Variants in C8orf89 observed in about 807,000 individuals in gnomAD.
The protein encoded by C8orf89 is chromosome 8 open reading frame 89, also known as putative uncharacterized protein C8orf89.
A neutral mutation model predicts 15.8 loss-of-function variants in C8orf89; 14 were observed. That is an observed-to-expected ratio of 0.89 (90% CI 0.59 to 1.39). C8orf89 has a LOEUF of 1.39. Ranked by LOEUF, C8orf89 falls within the 40% of genes most tolerant of loss-of-function variation. The pLI, the probability that C8orf89 is intolerant of heterozygous loss-of-function variation, is 0.00. For missense variants in C8orf89, 181 were observed against 184.5 expected (o/e 0.98, Z 0.11); for synonymous variants, 55 against 62.2 (o/e 0.88, Z 0.54).
chr8:73,269,872 A>G, the C8orf89 span, among the ~76,000 whole-genome samples: 3 of 152,234 alleles, frequency 2.0e-5, no homozygotes, highest in African/African-American at 7.2e-5. Flanking sequence ...GAATTCTTAA[A>G]CAAAAATTTT....
chr8:73,260,003 T>G (rs1813493608), upstream of C8orf89, among the ~76,000 whole-genome samples: 1 of 152,206 alleles, frequency 6.6e-6, no homozygotes, highest in Admixed American at 6.5e-5. Context: ...CTACCATTTA[T>G]GAAATGCCTA....
At chr8:73,272,690 T>G in the C8orf89 span, among the ~76,000 whole-genome samples, 1 of 151,626 alleles carries the variant, frequency 6.6e-6, no homozygotes, top group African/African-American at 2.4e-5. Flanking sequence ...CACCTATGAG[T>G]GAGAACATGC....
At chr8:73,250,769 G>C (rs141472693) in intron 2 of C8orf89, among the ~76,000 whole-genome samples, 123 of 152,108 alleles carry the variant, frequency 8.1e-4, no homozygotes, top group African/African-American at 2.8e-3. Flanking sequence ...ATCTGCTGTG[G>C]GTGAGATAAT....
At chr8:73,266,384 G>T in the C8orf89 span, among the ~76,000 whole-genome samples, 3 of 152,176 alleles carry the variant, frequency 2.0e-5, no homozygotes. Flanking sequence ...CTCATTTGAG[G>T]TGTCATCATG....
the C8orf89 span, among the ~76,000 whole-genome samples, chr8:73,266,641 T>G: frequency 2.1e-3 from 326 of 152,234 alleles, 2 homozygotes; most frequent in African/African-American, 7.1e-3. Context: ...AACATAAAGA[T>G]TTAAGATCAA....
chr8:73,284,586 A>AG, the C8orf89 span, among the ~76,000 whole-genome samples: 1 of 152,196 alleles, frequency 6.6e-6, no homozygotes, highest in Non-Finnish European at 1.5e-5. Context: ...CAAAAAACAA[A>AG]GGAAAAAAGA....
chr8:73,253,861 A>G (rs1417219701), intron 2 of C8orf89, among the ~76,000 whole-genome samples: 1 of 149,548 alleles, frequency 6.7e-6, no homozygotes, highest in Admixed American at 6.6e-5. Flanking sequence ...CTAGATATAC[A>G]ATCATGTCAT....
intron 2 of C8orf89, among the ~76,000 whole-genome samples, chr8:73,252,505 G>A (rs1037446169): frequency 1.3e-5 from 2 of 152,088 alleles, no homozygotes; most frequent in African/African-American, 4.8e-5. Flanking sequence ...GTTATGATGG[G>A]TAGATTATCA....
At chr8:73,272,706 T>C in the C8orf89 span, among the ~76,000 whole-genome samples, 1 of 152,142 alleles carries the variant, frequency 6.6e-6, no homozygotes, top group African/African-American at 2.4e-5. Context: ...CATGCAGTGT[T>C]TGGTTTTTTG....
At chr8:73,268,638 T>G in the C8orf89 span, among the ~76,000 whole-genome samples, 2 of 152,226 alleles carry the variant, frequency 1.3e-5, no homozygotes, top group African/African-American at 4.8e-5. Flanking sequence ...TTTTTTAAGA[T>G]GTCATAATGG....
At chr8:73,253,185 GAACAAATA>G (rs1301627419) in intron 2 of C8orf89, among the ~76,000 whole-genome samples, 1 of 152,136 alleles carries the variant, frequency 6.6e-6, no homozygotes, top group Non-Finnish European at 1.5e-5. Flanking sequence ...AATATCTGAA[GAACAAATA>G]AACAAACCAA....
Position 73,259,387 on chromosome 8 carries a change from C to T in C8orf89, c.72G>A (p.Leu24=), listed in dbSNP as rs1352906899. 1.3e-6 allele frequency: 2 copies of T among 1,530,828 alleles called. No homozygotes were observed. The highest frequency in any genetic ancestry group is 4.9e-5 in the East Asian group (2 of 40,816). 94.8% of individuals were successfully genotyped at this position (1,530,828 alleles called of 1,614,324 possible). A position where few individuals can be genotyped will look rare whatever the true frequency, so the allele number is the denominator to read the frequency against. ...KFTRSSFGSC[L]IFESSWKKAV... Reference sequence around the variant, plus strand: ...CTTTCTTCCAACTACTCTCAAAAATCAAACAACTGCCAAAGGAACTTCTGG... The same window carrying T: ...CTTTCTTCCAACTACTCTCAAAAATTAAACAACTGCCAAAGGAACTTCTGG... Residue 24 remains leucine, a synonymous_variant, in exon 1 of 4, where the codon TTG becomes TTA. Transcript: ENST00000624510.
chr8:73,243,179 C>A (rs1005776114), intron 3 of C8orf89, among the ~76,000 whole-genome samples: 2 of 151,770 alleles, frequency 1.3e-5, no homozygotes, highest in Admixed American at 6.6e-5. Context: ...AGGAGAGATG[C>A]GGGGGAAGTG....
upstream of C8orf89, among the ~76,000 whole-genome samples, chr8:73,264,279 A>C (rs1813580494): frequency 6.6e-6 from 1 of 152,206 alleles, no homozygotes; most frequent in South Asian, 2.1e-4. Context: ...TCAGCTGGGA[A>C]AGTATACTTC....
chr8:73,241,366 T>C lies in C8orf89; in HGVS notation c.*91A>G. 1 of 1,046,100 alleles carries C rather than the reference T, an allele frequency of 9.6e-7. No homozygotes were observed. The highest frequency in any genetic ancestry group is 1.3e-6 in the Non-Finnish European group (1 of 796,706). The allele number at this position is 1,046,100 out of a possible 1,614,324, so 64.8% of individuals were successfully genotyped here. A position where few individuals can be genotyped will look rare whatever the true frequency, so the allele number is the denominator to read the frequency against. On this transcript the variant is annotated 3_prime_UTR_variant, in exon 4 of 4. Transcript: ENST00000624510. The stretch of plus-strand genomic sequence containing the variant: ...TATTTATTTATTTACATTTCCATTT[T>C]TATATAAATCATTTTGCATCATATC...
intron 2 of C8orf89, among the ~76,000 whole-genome samples, chr8:73,253,916 C>T (rs1471288601): frequency 2.7e-5 from 4 of 150,644 alleles, no homozygotes; most frequent in African/African-American, 9.9e-5. Context: ...TAATTGAATA[C>T]CCTTTATTTC....
chr8:73,270,130 G>GT, the C8orf89 span, among the ~76,000 whole-genome samples: 5 of 151,224 alleles, frequency 3.3e-5, no homozygotes, highest in South Asian at 4.2e-4. Flanking sequence ...AAACAACAAA[G>GT]TTTTTTTTTC....
At chr8:73,278,528 T>C in the C8orf89 span, among the ~76,000 whole-genome samples, 3 of 152,188 alleles carry the variant, frequency 2.0e-5, no homozygotes, top group Non-Finnish European at 4.4e-5. Context: ...TTTTTTAAGA[T>C]ACTGTGTGTC....
the C8orf89 span, among the ~76,000 whole-genome samples, chr8:73,266,766 AG>A: frequency 6.6e-6 from 1 of 152,270 alleles, no homozygotes; most frequent in East Asian, 1.9e-4. Flanking sequence ...ACTGAACTGC[AG>A]GCGCCCAGAA....
Sources: allele counts gnomAD v4.1 joint callset (sites outside exome capture counted in the v4.1 genomes callset), GRCh38; gene constraint gnomAD v4.1.1; transcripts MANE v1.5; gene names NCBI Gene and HGNC (gene_info 2026-07-23, HGNC 2026-07-21).